PARD3B: variants seen among roughly 807,000 people sequenced by gnomAD.
PARD3B encodes partitioning defective 3 homolog B.
In PARD3B, 103 loss-of-function variants were observed where a neutral mutation model predicts 130.2. The ratio of observed to expected loss-of-function variants is 0.79; its 90% CI spans 0.67 to 0.93. The LOEUF (loss-of-function observed/expected upper bound fraction) is 0.93, where lower values mean the gene tolerates loss of function less well. Among genes scored for constraint, PARD3B ranks in the 40% least tolerant of loss-of-function variants. The probability of loss-of-function intolerance (pLI) is 0.00; values close to 1 mark genes in which losing one functional copy is unlikely to be tolerated. For missense variants in PARD3B, 1,609 were observed against 1,499.2 expected, an observed-to-expected ratio of 1.07 and a Z score of -1.21; for synonymous variants, 583 against 553.2, an observed-to-expected ratio of 1.05 and a Z score of -0.76.
chr2:205,354,479 A>AAAT (rs1559694465), intron 18 of PARD3B, among the ~76,000 whole-genome samples: 1 of 151,266 alleles, frequency 6.6e-6, no homozygotes, highest in Non-Finnish European at 1.5e-5. Context: ...GAAAAAAAGT[A>AAAT]AAAAATTAAA....
intron 22 of PARD3B, among the ~76,000 whole-genome samples, chr2:205,579,994 T>A (rs1171041417): frequency 6.6e-6 from 1 of 152,202 alleles, no homozygotes; most frequent in Non-Finnish European, 1.5e-5. Context: ...GTCTAAGTCA[T>A]AGATTTCACT....
At chr2:205,427,828 A>G (rs1418527017) in intron 19 of PARD3B, among the ~76,000 whole-genome samples, 1 of 152,242 alleles carries the variant, frequency 6.6e-6, no homozygotes, top group Admixed American at 6.5e-5. Context: ...AATTACTTCA[A>G]GTGACATTAG....
intron 1 of PARD3B, among the ~76,000 whole-genome samples, chr2:204,599,902 T>C (rs1423387562): frequency 6.6e-6 from 1 of 151,976 alleles, no homozygotes; most frequent in African/African-American, 2.4e-5. Flanking sequence ...TGACATGATA[T>C]CTCATTATGG....
chr2:205,146,922 G>T lies in PARD3B; in HGVS notation c.1435-11800G>T, dbSNP rs1388807620. 6.6e-6 allele frequency among the ~76,000 whole-genome samples: 1 copy of T among 151,846 alleles called. No individual in the cohort carries two copies. Among genetic ancestry groups the T allele is most frequent in the Non-Finnish European group, 1.5e-5 (1 of 67,970 alleles). ...GTAGGAATGGGGTTTTGCCATGTTGGCCAGGCTGGTCTCGAACTCCTGACC... is the reference window on the plus strand; with the variant it reads ...GTAGGAATGGGGTTTTGCCATGTTGTCCAGGCTGGTCTCGAACTCCTGACC... On this transcript the variant is annotated intron_variant, in intron 10 of 22. Coordinates refer to ENST00000406610, the MANE Select transcript of PARD3B (RefSeq NM_001302769.2). The surrounding 1 kb of genome is among the most constrained non-coding windows in gnomAD (Gnocchi z 4.3).
In PARD3B at chr2:204,716,460, T is replaced by C. The variant is rs372293484; in HGVS notation, c.222+30178T>C. ...TGGAATGTAGTGAGGGAGATTTTAA[T>C]CCGTTAGACAAGGAGTGACTCTTCA... On this transcript the variant is annotated intron_variant, in intron 2 of 22. Coordinates refer to ENST00000406610, the MANE Select transcript of PARD3B (RefSeq NM_001302769.2). Among the ~76,000 whole-genome samples the C allele has an allele frequency of 5.9e-5, 9 of 151,996 alleles. 1 individual carries two copies. The highest frequency in any genetic ancestry group is 2.2e-4 in the African/African-American group (9 of 41,364).
chr2:205,552,655 C>T (rs150260416), intron 21 of PARD3B, among the ~76,000 whole-genome samples: 16 of 152,150 alleles, frequency 1.1e-4, no homozygotes, highest in South Asian at 1.0e-3. Flanking sequence ...GCAATCCACC[C>T]GCCTCTTGAC....
intron 15 of PARD3B, among the ~76,000 whole-genome samples, chr2:205,233,972 A>G (rs1462128845): frequency 6.6e-6 from 1 of 152,214 alleles, no homozygotes; most frequent in East Asian, 1.9e-4. Flanking sequence ...CTATTGTAAG[A>G]TATACATAAT....
chr2:205,390,142 T>C (rs929697618), intron 18 of PARD3B, among the ~76,000 whole-genome samples: 2 of 151,716 alleles, frequency 1.3e-5, no homozygotes, highest in Non-Finnish European at 2.9e-5. Context: ...TTCTTTTGTA[T>C]TTATACAATA....
chr2:205,070,989 C>G (rs1700692724), intron 4 of PARD3B, among the ~76,000 whole-genome samples: 2 of 151,760 alleles, frequency 1.3e-5, no homozygotes, highest in African/African-American at 4.8e-5. Flanking sequence ...AAAGTGCATA[C>G]TGTTAATGTA....
intron 20 of PARD3B, among the ~76,000 whole-genome samples, chr2:205,497,500 C>T (rs1468027192): frequency 8.4e-6 from 1 of 119,438 alleles, no homozygotes; most frequent in Non-Finnish European, 1.7e-5. Flanking sequence ...TGACCTCTTT[C>T]TGTTGCTTTT....
intron 2 of PARD3B, among the ~76,000 whole-genome samples, chr2:204,866,689 G>GTA (rs1466437494): frequency 2.0e-5 from 3 of 151,588 alleles, no homozygotes; most frequent in East Asian, 1.9e-4. Flanking sequence ...ATATATATGT[G>GTA]TATATATATG....
At position 204,606,594 on chromosome 2, in the gene PARD3B, A is replaced by G. The variant is rs2033733354; in HGVS notation, c.120+60475A>G. Among the ~76,000 whole-genome samples, 1 of 152,192 alleles carries G rather than the reference A, an allele frequency of 6.6e-6. No individual in the cohort carries two copies. Among genetic ancestry groups the G allele is most frequent in the Non-Finnish European group, 1.5e-5 (1 of 68,036 alleles). ...CACACTGAAGTTCTTGTAGGTGGAA[A>G]AGTGTGATTCTATTATGTGCTCAGA... On this transcript the variant is annotated intron_variant, in intron 1 of 22. Coordinates refer to ENST00000406610, the MANE Select transcript of PARD3B (RefSeq NM_001302769.2). This position sits in a 1 kb window ranked among gnomAD's most constrained non-coding sequence, Gnocchi z 4.0.
chr2:204,937,978 T>C (rs995972609), intron 2 of PARD3B, among the ~76,000 whole-genome samples: 10 of 152,182 alleles, frequency 6.6e-5, no homozygotes, highest in Non-Finnish European at 1.2e-4. Context: ...AGCAGAGAAC[T>C]TCTTGGAATA....
intron 22 of PARD3B, among the ~76,000 whole-genome samples, chr2:205,595,875 G>C (rs1450215387): frequency 1.3e-5 from 2 of 152,052 alleles, no homozygotes; most frequent in Admixed American, 6.6e-5. Flanking sequence ...CATGGGAGGG[G>C]GGTTATGGAG....
intron 3 of PARD3B, among the ~76,000 whole-genome samples, chr2:205,012,809 G>A (rs1433330684): frequency 6.6e-6 from 1 of 152,184 alleles, no homozygotes; most frequent in Non-Finnish European, 1.5e-5. Flanking sequence ...CAAGTTGGAA[G>A]TATTTATTAC....
intron 16 of PARD3B, among the ~76,000 whole-genome samples, chr2:205,283,339 A>G (rs983026893): frequency 6.6e-6 from 1 of 152,170 alleles, no homozygotes; most frequent in Non-Finnish European, 1.5e-5. Context: ...GCTGGAGTGC[A>G]GTGGTGCAAA....
chr2:205,154,914 G>T (rs1002157536), intron 10 of PARD3B, among the ~76,000 whole-genome samples: 3 of 152,092 alleles, frequency 2.0e-5, no homozygotes, highest in Non-Finnish European at 2.9e-5. Flanking sequence ...GCCTGGGGGA[G>T]GGATAGCATT....
chr2:205,519,583 T>A (rs1361869833), intron 21 of PARD3B, among the ~76,000 whole-genome samples: 2 of 152,012 alleles, frequency 1.3e-5, no homozygotes, highest in Admixed American at 1.3e-4. Flanking sequence ...TGTGTCATTC[T>A]AGCCAATTCA....
chr2:204,895,546 T>G (rs1386885871), intron 2 of PARD3B, among the ~76,000 whole-genome samples: 2 of 152,148 alleles, frequency 1.3e-5, no homozygotes, highest in Non-Finnish European at 2.9e-5. Flanking sequence ...ATCACATATT[T>G]TTGTAATAAC....
Sources: gnomAD v4.1 joint callset for allele counts (sites outside exome capture counted in the v4.1 genomes callset) on GRCh38, gnomAD v4.1.1 for gene constraint, Gnocchi (gnomAD v3.1) non-coding constraint, MANE v1.5 for transcripts, NCBI Gene and HGNC (gene_info 2026-07-23, HGNC 2026-07-21) for gene names.